The following THSD7B variants were observed in gnomAD, a reference collection of about 807,000 sequenced individuals.
THSD7B encodes thrombospondin type-1 domain-containing protein 7B.
Under a neutral mutation model 213.6 loss-of-function variants are expected in THSD7B, and 138 were observed. The observed-to-expected ratio is 0.65, with a 90% CI of 0.56 to 0.74. THSD7B has a LOEUF of 0.74. THSD7B is among the 30% of genes least tolerant of loss of function. THSD7B has a pLI of 0.00. For synonymous variants in THSD7B, 742 were observed against 687.0 expected, an observed-to-expected ratio of 1.08 and a Z score of -1.25; for missense variants, 1,931 against 1,991.5, an observed-to-expected ratio of 0.97 and a Z score of 0.58.
In THSD7B at chr2:136,965,885, T is replaced by A. The variant is rs113787470; in HGVS notation, c.139+83568T>A. Among the ~76,000 whole-genome samples the A allele has an allele frequency of 9.8e-3, 1,494 of 152,290 alleles. 16 individuals are homozygous for A. Among genetic ancestry groups the A allele is most frequent in the African/African-American group, 0.025 (1,034 of 41,550 alleles). ...GTGGTAGGTGCTTAATATATGATTTTAAAAAAATTCATTAGGAATCTTTTC... is the reference window on the plus strand; with the variant it reads ...GTGGTAGGTGCTTAATATATGATTTAAAAAAAATTCATTAGGAATCTTTTC... On this transcript the variant is annotated intron_variant, in intron 2 of 27. Coordinates refer to ENST00000409968, the MANE Select transcript of THSD7B (RefSeq NM_001316349.2).
At chr2:137,035,903 C>T (rs1245049250) in intron 2 of THSD7B, among the ~76,000 whole-genome samples, 1 of 152,104 alleles carries the variant, frequency 6.6e-6, no homozygotes, top group African/African-American at 2.4e-5. Context: ...ATCCATAAAT[C>T]ATGTACAAAA....
At chr2:137,521,705 G>C (rs1362948713) in intron 15 of THSD7B, among the ~76,000 whole-genome samples, 2 of 152,214 alleles carry the variant, frequency 1.3e-5, no homozygotes, top group African/African-American at 2.4e-5. Flanking sequence ...GGACAGTAGA[G>C]GGGACACTGG....
chr2:137,117,613 G>T (rs765104380), intron 5 of THSD7B, among the ~76,000 whole-genome samples: 1 of 152,010 alleles, frequency 6.6e-6, no homozygotes, highest in Non-Finnish European at 1.5e-5. Flanking sequence ...CTCTCTCTCT[G>T]TTCACTCTGG....
At chr2:136,814,741 T>G (rs1682443322) in intron 1 of THSD7B, among the ~76,000 whole-genome samples, 1 of 152,154 alleles carries the variant, frequency 6.6e-6, no homozygotes, top group Non-Finnish European at 1.5e-5. Flanking sequence ...GGAAGAATAT[T>G]ACAAACACTT....
At chr2:137,112,244 A>G (rs1198729967) in intron 4 of THSD7B, among the ~76,000 whole-genome samples, 1 of 152,116 alleles carries the variant, frequency 6.6e-6, no homozygotes, top group African/African-American at 2.4e-5. Flanking sequence ...AAAATAAAGA[A>G]AAAAGGTTGA....
At chr2:137,282,959 G>A (rs912831118) in intron 12 of THSD7B, among the ~76,000 whole-genome samples, 13 of 152,042 alleles carry the variant, frequency 8.6e-5, no homozygotes, top group African/African-American at 3.1e-4. Context: ...TTGGTAGCTT[G>A]ATGGGGATGG....
chr2:137,174,380 G>A (rs1266777649), intron 7 of THSD7B, among the ~76,000 whole-genome samples: 1 of 152,156 alleles, frequency 6.6e-6, no homozygotes, highest in Non-Finnish European at 1.5e-5. Flanking sequence ...CCAGGAGTTT[G>A]TTTAGACCAT....
intron 7 of THSD7B, among the ~76,000 whole-genome samples, chr2:137,179,478 CT>C (rs1680414750): frequency 6.6e-6 from 1 of 151,636 alleles, no homozygotes; most frequent in Non-Finnish European, 1.5e-5. Context: ...GTAATTTATA[CT>C]GGTGGTATGG....
At chr2:137,310,325 T>A (rs1159514176) in intron 12 of THSD7B, among the ~76,000 whole-genome samples, 1 of 148,000 alleles carries the variant, frequency 6.8e-6, no homozygotes, top group Non-Finnish European at 1.5e-5. Context: ...TCTGTTCATG[T>A]CCTTTGCCCA....
At chr2:137,305,425 C>T (rs2104852414) in intron 12 of THSD7B, among the ~76,000 whole-genome samples, 1 of 152,248 alleles carries the variant, frequency 6.6e-6, no homozygotes, top group African/African-American at 2.4e-5. Flanking sequence ...GGCTGGAACT[C>T]ACAGCACTAC....
At chr2:137,142,137 A>G (rs1012799934) in intron 5 of THSD7B, among the ~76,000 whole-genome samples, 6 of 152,216 alleles carry the variant, frequency 3.9e-5, no homozygotes, top group Admixed American at 2.0e-4. Flanking sequence ...ATAACAGAAT[A>G]TCACATACTG....
chr2:137,507,445 G>A (rs1453879994), intron 15 of THSD7B, among the ~76,000 whole-genome samples: 1 of 152,138 alleles, frequency 6.6e-6, no homozygotes, highest in Non-Finnish European at 1.5e-5. Context: ...GATGGAATAA[G>A]CTTAGTCAGA....
intron 2 of THSD7B, among the ~76,000 whole-genome samples, chr2:136,922,219 G>A (rs1684448107): frequency 6.6e-6 from 1 of 152,150 alleles, no homozygotes; most frequent in Non-Finnish European, 1.5e-5. Context: ...GATGGCCACT[G>A]TCGCTACATT....
At chr2:136,988,529 G>C (rs1315501572) in intron 2 of THSD7B, among the ~76,000 whole-genome samples, 1 of 152,194 alleles carries the variant, frequency 6.6e-6, no homozygotes, top group Non-Finnish European at 1.5e-5. Flanking sequence ...GGCCTCCACT[G>C]GTGTGTGAGT....
At chr2:137,111,424 A>G (rs1430712900) in intron 4 of THSD7B, among the ~76,000 whole-genome samples, 3 of 152,184 alleles carry the variant, frequency 2.0e-5, no homozygotes, top group African/African-American at 7.2e-5. Context: ...AATCTGCCAT[A>G]GTGTCATTTT....
At chr2:137,549,097 T>C (rs972241009) in intron 15 of THSD7B, among the ~76,000 whole-genome samples, 1 of 151,968 alleles carries the variant, frequency 6.6e-6, no homozygotes, top group Non-Finnish European at 1.5e-5. Flanking sequence ...TCACAAAAAG[T>C]TGCAAGCCTG....
chr2:137,268,305 GC>G (rs1387123967), intron 10 of THSD7B, among the ~76,000 whole-genome samples: 1 of 145,542 alleles, frequency 6.9e-6, no homozygotes, highest in African/African-American at 2.6e-5. Flanking sequence ...CCTCCCCCAG[GC>G]CCCCACCCCC....
chr2:137,312,751 C>A (rs921736774), intron 12 of THSD7B, among the ~76,000 whole-genome samples: 1 of 149,966 alleles, frequency 6.7e-6, no homozygotes, highest in Non-Finnish European at 1.5e-5. Flanking sequence ...TTTCTGCCTT[C>A]ATTTCATTAT....
chr2:136,906,865 G>A (rs952976183), intron 2 of THSD7B, among the ~76,000 whole-genome samples: 15 of 142,050 alleles, frequency 1.1e-4, no homozygotes, highest in African/African-American at 3.6e-4. Flanking sequence ...CTTAAACTTT[G>A]TAGAAAGTAT....
Sources: allele counts gnomAD v4.1 joint callset (sites outside exome capture counted in the v4.1 genomes callset), GRCh38; gene constraint gnomAD v4.1.1; transcripts MANE v1.5; gene names NCBI Gene and HGNC (gene_info 2026-07-23, HGNC 2026-07-21).